Variants in AOPEP observed in about 807,000 individuals in gnomAD.
AOPEP encodes aminopeptidase O.
Under a neutral mutation model 98.1 loss-of-function variants are expected in AOPEP, and 77 were observed. That is an observed-to-expected ratio of 0.78 (90% confidence interval 0.65 to 0.95). The LOEUF (loss-of-function observed/expected upper bound fraction) is 0.95. Ranked by LOEUF, AOPEP falls within the 40% of genes least tolerant of loss-of-function variation. The pLI, the probability that AOPEP is intolerant of heterozygous loss-of-function variation, is 0.00. For missense variants in AOPEP, 1,024 were observed against 1,024.7 expected (o/e 1.00, Z 0.01); for synonymous variants, 346 against 365.3 (o/e 0.95, Z 0.60).
chr9:94,901,268 T>C (rs1365620174), intron 5 of AOPEP, among the ~76,000 whole-genome samples: 1 of 152,174 alleles, frequency 6.6e-6, no homozygotes, highest in Non-Finnish European at 1.5e-5. Context: ...AGTATTCAAG[T>C]TTGCTCAAAT....
intron 2 of AOPEP, 126 bp from the exon 3 acceptor site, chr9:94,772,876 G>C: frequency 1.1e-6 from 1 of 924,766 alleles, no homozygotes; most frequent in Non-Finnish European, 1.6e-6. Context: ...TAGGAAACCA[G>C]TCAACTACAA....
chr9:95,101,631 C>T, the AOPEP span: 4 of 1,586,842 alleles, frequency 2.5e-6, no homozygotes, highest in African/African-American at 1.3e-5. Context: ...AATGCGTGGC[C>T]ACAGGTCATC....
rs781192072 is a variant in AOPEP, at chr9:94,759,778, C to T, written c.-6C>T. On this transcript the variant is annotated 5_prime_UTR_variant, in exon 2 of 17. Transcript: ENST00000375315. ...TTAATAAATCCCTCAAACAATAAAC[C>T]ACATCATGGACATACAGCTGGACCC... The T allele has an allele frequency of 1.9e-6, 3 of 1,603,798 alleles. No individual in the cohort carries two copies. The highest frequency in any genetic ancestry group is 2.6e-6 in the Non-Finnish European group (3 of 1,175,332).
At chr9:95,009,234 T>C (rs1426708102) in intron 13 of AOPEP, among the ~76,000 whole-genome samples, 1 of 152,034 alleles carries the variant, frequency 6.6e-6, no homozygotes, top group Non-Finnish European at 1.5e-5. Flanking sequence ...CTTCGTTAGC[T>C]GATTCAAAGA....
intron 13 of AOPEP, among the ~76,000 whole-genome samples, chr9:95,047,911 C>T (rs987125655): frequency 2.6e-5 from 4 of 152,160 alleles, no homozygotes; most frequent in Non-Finnish European, 5.9e-5. Flanking sequence ...GAACAGTTAG[C>T]GACCTCCACC....
chr9:95,086,752 A>G lies in AOPEP; in HGVS notation c.*75A>G. 4 of 988,084 alleles carry G rather than the reference A, an allele frequency of 4.0e-6. No individual in the cohort carries two copies. Among genetic ancestry groups the G allele is most frequent in the Non-Finnish European group, 4.8e-6 (4 of 830,226 alleles). The allele number at this position is 988,084 out of a possible 1,614,324, so 61.2% of individuals were successfully genotyped here. A position where few individuals can be genotyped will look rare whatever the true frequency, so the allele number is the denominator to read the frequency against. On this transcript the variant is annotated 3_prime_UTR_variant, in exon 17 of 17. Coordinates refer to ENST00000375315, the MANE Select transcript of AOPEP (RefSeq NM_001193329.3). ...GGGACCAGGCTCGAACTGACCCTGG[A>G]CATCAAAGGAGGGATTATGTGGCTG... is the stretch of plus-strand genomic sequence containing the variant.
At chr9:95,077,274 C>G (rs1038167464) in intron 14 of AOPEP, among the ~76,000 whole-genome samples, 3 of 152,208 alleles carry the variant, frequency 2.0e-5, no homozygotes, top group African/African-American at 7.2e-5. Context: ...AGCACTGCCC[C>G]GGCTCCCAGA....
intron 3 of AOPEP, among the ~76,000 whole-genome samples, chr9:94,781,893 A>G (rs1367436223): frequency 1.3e-5 from 2 of 151,202 alleles, no homozygotes; most frequent in African/African-American, 4.9e-5. Context: ...CTTCCTAGAA[A>G]AATAAAATAC....
chr9:94,733,230 C>T (rs1021345880), intron 1 of AOPEP, among the ~76,000 whole-genome samples: 1 of 151,818 alleles, frequency 6.6e-6, no homozygotes, highest in Non-Finnish European at 1.5e-5. Context: ...CCTCAGCCTC[C>T]TGGGTGTCTG....
chr9:95,011,321 G>A lies in AOPEP; in HGVS notation c.2115+5705G>A, dbSNP rs534943425. Among the ~76,000 whole-genome samples, 227 of 150,182 alleles carry A rather than the reference G, an allele frequency of 1.5e-3. 4 individuals carry two copies. Among genetic ancestry groups the A allele is most frequent in the Non-Finnish European group, 2.1e-4 (14 of 67,764 alleles). ...AGCGATTCTTCTGCCTCAGCCTCCC[G>A]AGTAGCTGGGACTACAGGCACGTGC... On this transcript the variant is annotated intron_variant, in intron 13 of 16. Coordinates refer to ENST00000375315, the MANE Select transcript of AOPEP (RefSeq NM_001193329.3).
intron 5 of AOPEP, among the ~76,000 whole-genome samples, chr9:94,833,174 G>T (rs941755025): frequency 2.7e-5 from 4 of 148,166 alleles, no homozygotes; most frequent in Non-Finnish European, 1.5e-5. Context: ...GACCTAAAGT[G>T]ATCCACCCGC....
At chr9:95,146,895 C>T in the AOPEP span, among the ~76,000 whole-genome samples, 5 of 151,918 alleles carry the variant, frequency 3.3e-5, no homozygotes, top group East Asian at 1.9e-4. Context: ...CTTGGGCCTA[C>T]GTGGAAACAT....
chr9:94,809,474 A>G (rs1849989829), intron 5 of AOPEP, among the ~76,000 whole-genome samples: 2 of 152,138 alleles, frequency 1.3e-5, no homozygotes, highest in African/African-American at 4.8e-5. Context: ...TTCTATTCAG[A>G]AATATCTGGG....
At chr9:94,740,664 C>A (rs1352481011) in intron 1 of AOPEP, among the ~76,000 whole-genome samples, 2 of 151,982 alleles carry the variant, frequency 1.3e-5, no homozygotes, top group Non-Finnish European at 2.9e-5. Flanking sequence ...AGATCACATG[C>A]CAGAAAGTTC....
intron 7 of AOPEP, among the ~76,000 whole-genome samples, chr9:94,946,346 G>T (rs915442101): frequency 6.6e-6 from 1 of 152,150 alleles, no homozygotes; most frequent in Non-Finnish European, 1.5e-5. Context: ...AGTCAGAAAG[G>T]ACCTTAAAAG....
At chr9:94,887,601 G>A (rs1242713112) in intron 5 of AOPEP, among the ~76,000 whole-genome samples, 1 of 152,060 alleles carries the variant, frequency 6.6e-6, no homozygotes, top group African/African-American at 2.4e-5. Context: ...CCTATCAAGA[G>A]GCTGCTACTA....
intron 5 of AOPEP, among the ~76,000 whole-genome samples, chr9:94,879,891 T>C (rs920732818): frequency 2.0e-5 from 3 of 152,242 alleles, no homozygotes; most frequent in African/African-American, 7.2e-5. Flanking sequence ...TGATGAGTTG[T>C]GGAGTGCAGG....
At chr9:94,940,734 G>A (rs190991561) in intron 7 of AOPEP, among the ~76,000 whole-genome samples, 1 of 152,262 alleles carries the variant, frequency 6.6e-6, no homozygotes, top group Non-Finnish European at 1.5e-5. Context: ...CCAACAAGTG[G>A]CAGAGGGCAC....
intron 5 of AOPEP, among the ~76,000 whole-genome samples, chr9:94,876,372 T>TC (rs1278536469): frequency 6.6e-6 from 1 of 151,456 alleles, no homozygotes; most frequent in African/African-American, 2.4e-5. Flanking sequence ...TCTTTTCTTT[T>TC]TTTTTTTTTT....
Sources: gnomAD v4.1 joint callset for allele counts (sites outside exome capture counted in the v4.1 genomes callset) on GRCh38, gnomAD v4.1.1 for gene constraint, MANE v1.5 for transcripts, NCBI Gene and HGNC (gene_info 2026-07-23, HGNC 2026-07-21) for gene names.